Variants in COG5 observed in about 807,000 individuals in gnomAD.
The protein encoded by COG5 is component of oligomeric golgi complex 5, also known as conserved oligomeric Golgi complex subunit 5.
A neutral mutation model predicts 110.4 loss-of-function variants in COG5; 86 were observed. That is an observed-to-expected ratio of 0.78 (90% confidence interval 0.65 to 0.93). The LOEUF is 0.93. Among genes scored for constraint, COG5 ranks in the 40% least tolerant of loss-of-function variants. COG5 has a pLI of 0.00. For missense variants in COG5, 1,077 were observed against 987.0 expected, an observed-to-expected ratio of 1.09 and a Z score of -1.22; for synonymous variants, 360 against 334.6, an observed-to-expected ratio of 1.08 and a Z score of -0.83.
chr7:107,425,874 C>T (rs143735801), intron 6 of COG5, among the ~76,000 whole-genome samples: 249 of 152,282 alleles, frequency 1.6e-3, no homozygotes, highest in African/African-American at 5.7e-3. Flanking sequence ...CTTATTTAAA[C>T]ATAGGACTGT....
At chr7:107,403,246 T>G (rs936547338) in intron 7 of COG5, among the ~76,000 whole-genome samples, 1 of 152,196 alleles carries the variant, frequency 6.6e-6, no homozygotes, top group African/African-American at 2.4e-5. Flanking sequence ...CTGGCTGCTG[T>G]AACAAAATAC....
chr7:107,315,492 G>C (rs1808650672), intron 11 of COG5, among the ~76,000 whole-genome samples: 4 of 151,824 alleles, frequency 2.6e-5, no homozygotes, highest in South Asian at 4.2e-4. Flanking sequence ...AGATGTACTT[G>C]CTAGATTTTT....
At chr7:107,278,314 C>A (rs1456125907) in intron 14 of COG5, among the ~76,000 whole-genome samples, 1 of 151,914 alleles carries the variant, frequency 6.6e-6, no homozygotes, top group Admixed American at 6.6e-5. Flanking sequence ...GATACATGTG[C>A]AGAACGTGCA....
At chr7:107,233,795 C>G (rs1800949800) in intron 18 of COG5, among the ~76,000 whole-genome samples, 1 of 152,128 alleles carries the variant, frequency 6.6e-6, no homozygotes, top group Non-Finnish European at 1.5e-5. Flanking sequence ...TGATGCCTGT[C>G]ATGAATATAA....
intron 19 of COG5, among the ~76,000 whole-genome samples, chr7:107,222,876 A>G (rs1420778736): frequency 1.3e-5 from 2 of 152,152 alleles, no homozygotes; most frequent in Non-Finnish European, 2.9e-5. Context: ...CAATTTGTCA[A>G]CTATTAGGTC....
chr7:107,455,133 G>GAATACA (rs1795581697), intron 6 of COG5, among the ~76,000 whole-genome samples: 1 of 152,158 alleles, frequency 6.6e-6, no homozygotes, highest in South Asian at 2.1e-4. Flanking sequence ...TGGATGGCAT[G>GAATACA]AATACAAAAT....
chr7:107,287,518 A>C (rs1182115416), intron 12 of COG5, among the ~76,000 whole-genome samples: 1 of 152,194 alleles, frequency 6.6e-6, no homozygotes, highest in Non-Finnish European at 1.5e-5. Flanking sequence ...TCAATCACTG[A>C]AAGTATACAA....
chr7:107,319,458 T>C (rs1809055474), intron 11 of COG5, among the ~76,000 whole-genome samples: 1 of 152,202 alleles, frequency 6.6e-6, no homozygotes, highest in African/African-American at 2.4e-5. Flanking sequence ...AGACTATATA[T>C]TGATTCCCAT....
At chr7:107,267,819 G>A (rs1307683538) in intron 14 of COG5, among the ~76,000 whole-genome samples, 2 of 152,144 alleles carry the variant, frequency 1.3e-5, no homozygotes, top group Non-Finnish European at 2.9e-5. Context: ...ACTTTGGGAG[G>A]TTGAGGTGGG....
At chr7:107,555,781 G>A (rs1803269864) in intron 2 of COG5, among the ~76,000 whole-genome samples, 1 of 152,080 alleles carries the variant, frequency 6.6e-6, no homozygotes, top group African/African-American at 2.4e-5. Flanking sequence ...GGAGACCGAG[G>A]TGGGTGGATC....
At chr7:107,218,687 T>TA (rs1263039408) in intron 19 of COG5, among the ~76,000 whole-genome samples, 2 of 151,920 alleles carry the variant, frequency 1.3e-5, no homozygotes, top group Admixed American at 1.3e-4. Flanking sequence ...TCATACCATA[T>TA]AAAAAATCAA....
chr7:107,530,325 G>C (rs1354307060), intron 5 of COG5, among the ~76,000 whole-genome samples: 1 of 152,108 alleles, frequency 6.6e-6, no homozygotes, highest in Non-Finnish European at 1.5e-5. Flanking sequence ...TTTTGGGCCG[G>C]ACGCAGTGGC....
At chr7:107,519,497 C>T (rs1448598584) in intron 6 of COG5, among the ~76,000 whole-genome samples, 1 of 151,720 alleles carries the variant, frequency 6.6e-6, no homozygotes, top group African/African-American at 2.4e-5. Context: ...AAACTACCAC[C>T]AAGAGAATAC....
intron 7 of COG5, among the ~76,000 whole-genome samples, chr7:107,411,153 T>C (rs1474155216): frequency 1.3e-5 from 2 of 152,126 alleles, no homozygotes; most frequent in Non-Finnish European, 2.9e-5. Flanking sequence ...ATTCCCTGCA[T>C]AAAATCCCAA....
chr7:107,475,472 T>C (rs1224460812), intron 6 of COG5: 2 of 583,622 alleles, frequency 3.4e-6, no homozygotes, highest in African/African-American at 3.8e-5. Flanking sequence ...ATTGGTTATG[T>C]TGTAAATTTT....
intron 6 of COG5, among the ~76,000 whole-genome samples, chr7:107,484,855 A>C (rs867078663): frequency 6.6e-6 from 1 of 152,216 alleles, no homozygotes; most frequent in Non-Finnish European, 1.5e-5. Context: ...TTGAATGTTA[A>C]AACAGTGGAT....
intron 6 of COG5, among the ~76,000 whole-genome samples, chr7:107,515,184 C>T (rs1392092835): frequency 6.6e-6 from 1 of 152,056 alleles, no homozygotes; most frequent in Non-Finnish European, 1.5e-5. Context: ...ATTTTTCCTC[C>T]TTTAATCTCT....
chr7:107,391,223 T>C (rs1251660932), intron 7 of COG5, among the ~76,000 whole-genome samples: 1 of 152,016 alleles, frequency 6.6e-6, no homozygotes, highest in African/African-American at 2.4e-5. Context: ...TGCAACTGTT[T>C]ATGGCACTCT....
At chr7:107,303,463 T>C (rs1322601791) in intron 11 of COG5, among the ~76,000 whole-genome samples, 1 of 152,178 alleles carries the variant, frequency 6.6e-6, no homozygotes, top group Non-Finnish European at 1.5e-5. Context: ...GGTCTCAGTC[T>C]GTCACCCACG....
Sources: allele counts gnomAD v4.1 joint callset (sites outside exome capture counted in the v4.1 genomes callset), GRCh38; gene constraint gnomAD v4.1.1; transcripts MANE v1.5; gene names NCBI Gene and HGNC (gene_info 2026-07-23, HGNC 2026-07-21).